The following DPEP1 variants were observed in gnomAD, a reference collection of about 807,000 sequenced individuals.
DPEP1 encodes the protein dipeptidase 1.
In DPEP1, 50 loss-of-function variants were observed where a neutral mutation model predicts 42.3. That is an observed-to-expected ratio of 1.18 (90% confidence interval 0.94 to 1.50). DPEP1 has a LOEUF of 1.50. Among genes scored for constraint, DPEP1 ranks in the 40% most tolerant of loss-of-function variants. The probability of loss-of-function intolerance (pLI) is 0.00; values close to 1 mark genes in which losing one functional copy is unlikely to be tolerated. For missense variants in DPEP1, 663 were observed against 553.0 expected (o/e 1.20, Z -1.99); for synonymous variants, 297 against 234.0 (o/e 1.27, Z -2.46).
chr16:89,638,453 G>A (rs748206191), downstream of DPEP1: 619 of 1,311,976 alleles, frequency 4.7e-4, no homozygotes, highest in Non-Finnish European at 5.8e-4. Flanking sequence ...ACGTGTCATC[G>A]GCATCCGGCT....
intron 1 of DPEP1, among the ~76,000 whole-genome samples, chr16:89,625,800 C>T (rs1473410466): frequency 2.0e-5 from 3 of 152,170 alleles, no homozygotes; most frequent in Non-Finnish European, 2.9e-5. Context: ...GCAGGACTGT[C>T]GTAAAGTAGG....
At chr16:89,614,802 A>G (rs2059366716) in intron 1 of DPEP1, among the ~76,000 whole-genome samples, 2 of 152,170 alleles carry the variant, frequency 1.3e-5, no homozygotes, top group Non-Finnish European at 2.9e-5. Context: ...ATCCAAAAAA[A>G]TAAAAGAAAA....
At chr16:89,637,161 G>A in intron 6 of DPEP1, 43 bp from the exon 7 acceptor site, 1 of 1,593,794 alleles carries the variant, frequency 6.3e-7, no homozygotes, top group Non-Finnish European at 8.5e-7. Context: ...CCGCAGCCCC[G>A]ACCCTGGGGG....
intron 1 of DPEP1, among the ~76,000 whole-genome samples, chr16:89,619,706 C>T (rs1021433969): frequency 3.3e-4 from 2 of 6,068 alleles, no homozygotes; most frequent in South Asian, 2.1e-3. Context: ...TGCTCCCCTC[C>T]CTGCAGCCCC....
chr16:89,631,688 T>C (rs1450858483), intron 2 of DPEP1, among the ~76,000 whole-genome samples: 1 of 152,136 alleles, frequency 6.6e-6, no homozygotes, highest in Non-Finnish European at 1.5e-5. Context: ...AAACCCTGTC[T>C]CTACTAAAAA....
At chr16:89,633,938 G>C (rs1283071831) in intron 2 of DPEP1, among the ~76,000 whole-genome samples, 1 of 152,088 alleles carries the variant, frequency 6.6e-6, no homozygotes, top group Non-Finnish European at 1.5e-5. Flanking sequence ...ACGGGGAAGG[G>C]GAACCCTGGG....
chr16:89,630,520 T>G lies in DPEP1; in HGVS notation c.104+6T>G. 6.4e-7 allele frequency: 1 copy of G among 1,564,680 alleles called. No individual in the cohort carries two copies. Among genetic ancestry groups the G allele is most frequent in the South Asian group, 1.1e-5 (1 of 88,574 alleles). On this transcript the variant is annotated splice_donor_region_variant and intron_variant, in intron 2 of 10. Transcript: ENST00000690203. ...GACTCCCCTGTCATTGATGGGTGAG[T>G]GCTCACCTGAGCCAGGTGCTTAGGG...
chr16:89,637,425 C>T (rs1348812408), intron 7 of DPEP1, 43 bp from the exon 8 acceptor site: 33 of 1,612,670 alleles, frequency 2.0e-5, no homozygotes, highest in Non-Finnish European at 2.8e-5. Flanking sequence ...CCTGGGCAGG[C>T]CCTCCCAGCT....
chr16:89,637,532 C>G lies in DPEP1; in HGVS notation c.833C>G (p.Ala278Gly), dbSNP rs771035673. 1.1e-5 allele frequency: 17 copies of G among 1,612,776 alleles called. 1 individual carries two copies. In the South Asian group the frequency reaches 1.6e-4, roughly 16 times the overall value. Residue 278 changes from alanine to glycine, a missense_variant, in exon 8 of 11, where the codon GCC (alanine) becomes GGC (glycine). Transcript: ENST00000690203. ...YNNYISCTNK[A>G]NLSQVADHLD... ...AATTACATTTCCTGCACCAACAAGG[C>G]CAACCTGTCCCAAGTGGCCGGTAGG...
intron 1 of DPEP1, among the ~76,000 whole-genome samples, chr16:89,629,509 A>ACC (rs61452150): frequency 1.9e-5 from 2 of 106,886 alleles, no homozygotes; most frequent in South Asian, 3.0e-4. Flanking sequence ...GGCTCCCCCC[A>ACC]CCCCCCCCCG....
chr16:89,624,968 A>G (rs1322885833), intron 1 of DPEP1, among the ~76,000 whole-genome samples: 2 of 152,202 alleles, frequency 1.3e-5, no homozygotes, highest in East Asian at 1.9e-4. Context: ...GCCAGTCCAC[A>G]GCACTTTCCT....
intron 1 of DPEP1, among the ~76,000 whole-genome samples, chr16:89,615,949 A>C (rs1169013621): frequency 6.6e-6 from 1 of 152,100 alleles, no homozygotes; most frequent in Non-Finnish European, 1.5e-5. Context: ...CGCAGGGCTC[A>C]GGCGTCCCCT....
chr16:89,631,569 G>C (rs2059589398), intron 2 of DPEP1, among the ~76,000 whole-genome samples: 2 of 152,168 alleles, frequency 1.3e-5, no homozygotes. Context: ...GAACTTCAGG[G>C]AACAGTCCAG....
At chr16:89,631,625 G>T (rs558366533) in intron 2 of DPEP1, among the ~76,000 whole-genome samples, 1 of 152,344 alleles carries the variant, frequency 6.6e-6, no homozygotes, top group East Asian at 1.9e-4. Flanking sequence ...GGAGGCCGAG[G>T]CGGGCGGATC....
intron 1 of DPEP1, among the ~76,000 whole-genome samples, chr16:89,629,138 T>G (rs2059552566): frequency 6.6e-6 from 1 of 152,192 alleles, no homozygotes; most frequent in Non-Finnish European, 1.5e-5. Context: ...TTTTAAAGTT[T>G]TATACTTTGT....
chr16:89,632,062 A>G (rs2059595441), intron 2 of DPEP1, among the ~76,000 whole-genome samples: 1 of 152,056 alleles, frequency 6.6e-6, no homozygotes, highest in Non-Finnish European at 1.5e-5. Flanking sequence ...TTTTGTTTTG[A>G]GACAGAGTCT....
chr16:89,641,224 G>C (rs1018401976), downstream of DPEP1, among the ~76,000 whole-genome samples: 30 of 152,308 alleles, frequency 2.0e-4, no homozygotes, highest in African/African-American at 5.5e-4. Flanking sequence ...GGGCTGCGGG[G>C]GGGGGTTGAC....
At position 89,614,427 on chromosome 16, in the gene DPEP1, C is replaced by A. The variant is rs929665007; in HGVS notation, c.-107+708C>A. Among the ~76,000 whole-genome samples the A allele has an allele frequency of 2.0e-5, 3 of 152,158 alleles. No individual in the cohort carries two copies. In the East Asian group the frequency reaches 5.8e-4, roughly 29 times the overall value. ...ATTCTCTGCGCAGTCATCTGCCTTC[C>A]CGCCCAGCTAAGAGCAGGGCCTGTT... On this transcript the variant is annotated intron_variant, in intron 1 of 10. Transcript: ENST00000690203.
At chr16:89,624,223 T>C (rs2059479724) in intron 1 of DPEP1, among the ~76,000 whole-genome samples, 1 of 151,984 alleles carries the variant, frequency 6.6e-6, no homozygotes, top group South Asian at 2.1e-4. Flanking sequence ...CGAGGCTGGG[T>C]CATCTATAGA....
Sources: gnomAD v4.1 joint callset for allele counts (sites outside exome capture counted in the v4.1 genomes callset) on GRCh38, gnomAD v4.1.1 for gene constraint, MANE v1.5 for transcripts, NCBI Gene and HGNC (gene_info 2026-07-23, HGNC 2026-07-21) for gene names.